Variants in SPECC1 observed in about 807,000 individuals in gnomAD.
SPECC1 encodes the protein sperm antigen with calponin homology and coiled-coil domains 1, also known as cytospin-B.
Under a neutral mutation model 104.1 loss-of-function variants are expected in SPECC1, and 62 were observed. The ratio of observed to expected loss-of-function variants is 0.60; its 90% confidence interval spans 0.49 to 0.74. SPECC1 has a LOEUF of 0.74. Among genes scored for constraint, SPECC1 ranks in the 30% least tolerant of loss-of-function variants. The pLI is 0.00. For synonymous variants in SPECC1, 513 were observed against 501.6 expected (o/e 1.02, Z -0.30); for missense variants, 1,306 against 1,310.5 (o/e 1.00, Z 0.05).
intron 1 of SPECC1, among the ~76,000 whole-genome samples, chr17:20,053,565 G>C (rs2045853025): frequency 6.6e-6 from 1 of 152,120 alleles, no homozygotes; most frequent in Admixed American, 6.5e-5. Context: ...CTTCCTCCTT[G>C]CTCTCTCTCT....
intron 1 of SPECC1, among the ~76,000 whole-genome samples, chr17:20,037,295 T>G (rs999121981): frequency 1.3e-5 from 2 of 151,982 alleles, no homozygotes; most frequent in African/African-American, 2.4e-5. Context: ...CCTTTTTATT[T>G]TCCCCACCAC....
chr17:20,055,885 T>A (rs1281193831), intron 1 of SPECC1, among the ~76,000 whole-genome samples: 2 of 152,220 alleles, frequency 1.3e-5, no homozygotes, highest in African/African-American at 4.8e-5. Context: ...CTCAGCTGTT[T>A]CAGTGCCTCT....
chr17:20,077,868 G>A (rs1251430955), intron 1 of SPECC1, among the ~76,000 whole-genome samples: 1 of 152,078 alleles, frequency 6.6e-6, no homozygotes, highest in Non-Finnish European at 1.5e-5. Flanking sequence ...AGATTGCTCA[G>A]CCTTAACTTC....
In SPECC1 at chr17:20,232,278, G is replaced by T. The variant is rs1193523928; in HGVS notation, c.2224G>T (p.Ala742Ser). The T allele has an allele frequency of 1.2e-6, 2 of 1,614,086 alleles. No individual in the cohort carries two copies. Among genetic ancestry groups the T allele is most frequent in the Admixed American group, 1.7e-5 (1 of 60,018 alleles). The change falls in exon 7 of 15, where the codon GCC (alanine) becomes TCC (serine). Residue 742 changes from alanine to serine, a missense_variant. Ala to Ser is a moderately conservative substitution (Grantham distance 99). Around this residue, in one of 2 missense-constraint regions of SPECC1, gnomAD observed 1,177 missense variants for 1,139.9 expected, o/e 1.03. Transcript: ENST00000395527. ...GGTGGCCAATGACATCAAGTGTGAG[G>T]CCCAGCAGGAGCTGCGCACCGTGAA... ...VVVANDIKCEAQQELRTVKRK... is the reference protein window; with the variant it reads ...VVVANDIKCESQQELRTVKRK...
intron 7 of SPECC1, 52 bp downstream of exon 7, chr17:20,232,457 G>A (rs1355351125): frequency 6.5e-7 from 1 of 1,542,374 alleles, no homozygotes; most frequent in African/African-American, 1.4e-5. Context: ...ACTATGTATG[G>A]GGCTCCCTGG....
intron 9 of SPECC1, among the ~76,000 whole-genome samples, chr17:20,252,304 A>C (rs1479618932): frequency 6.6e-6 from 1 of 152,128 alleles, no homozygotes; most frequent in Non-Finnish European, 1.5e-5. Context: ...CAGGGTGTAC[A>C]TGTACAGATT....
chr17:20,160,528 C>G (rs1374214927), intron 3 of SPECC1, among the ~76,000 whole-genome samples: 1 of 152,154 alleles, frequency 6.6e-6, no homozygotes, highest in Non-Finnish European at 1.5e-5. Context: ...ACATGATGAC[C>G]ATTCTCAACC....
At position 20,232,339 on chromosome 17, in the gene SPECC1, G is replaced by A. The variant is rs771455889; in HGVS notation, c.2285G>A (p.Arg762Gln). The change falls in exon 7 of 15, where the codon CGG becomes CAG. Residue 762 changes from arginine to glutamine, a missense_variant. Arg to Gln is a conservative substitution (Grantham distance 43). Around this residue, in one of 2 missense-constraint regions of SPECC1, gnomAD observed 1,177 missense variants for 1,139.9 expected, o/e 1.03. Coordinates refer to ENST00000395527, the MANE Select transcript of SPECC1 (RefSeq NM_001243439.2). ...KLLEEEEKNARLQKELGDVQG... is the reference protein window; with the variant it reads ...KLLEEEEKNAQLQKELGDVQG... The stretch of plus-strand genomic sequence containing the variant: ...CTGGAGGAGGAGGAGAAGAATGCCC[G>A]GTTGCAGAAGGAGCTGGGGGATGTG... 21 of 1,614,036 alleles carry A rather than the reference G, an allele frequency of 1.3e-5. No individual in the cohort carries two copies. The highest frequency in any genetic ancestry group is 6.7e-5 in the Admixed American group (4 of 60,016).
At chr17:20,068,962 TC>T (rs1423781924) in intron 1 of SPECC1, among the ~76,000 whole-genome samples, 2 of 152,256 alleles carry the variant, frequency 1.3e-5, no homozygotes, top group African/African-American at 4.8e-5. Flanking sequence ...CTTTTCATTT[TC>T]TTTTTTTTAA....
intron 4 of SPECC1, among the ~76,000 whole-genome samples, chr17:20,213,425 G>A (rs1227090693): frequency 1.3e-5 from 2 of 152,106 alleles, no homozygotes; most frequent in South Asian, 2.1e-4. Flanking sequence ...TTAGACTGCT[G>A]CCCAGTTACC....
chr17:20,026,147 T>G (rs952890501), intron 1 of SPECC1, among the ~76,000 whole-genome samples: 16 of 151,500 alleles, frequency 1.1e-4, no homozygotes, highest in Non-Finnish European at 2.2e-4. Context: ...TGCAGATATT[T>G]TATTTCTTCC....
chr17:20,226,589 A>C (rs2038220666), intron 4 of SPECC1, among the ~76,000 whole-genome samples: 1 of 152,206 alleles, frequency 6.6e-6, no homozygotes, highest in Admixed American at 6.5e-5. Flanking sequence ...AAGTAAAAAG[A>C]TTTTGCAAAT....
intron 12 of SPECC1, among the ~76,000 whole-genome samples, chr17:20,266,142 T>G (rs898104998): frequency 6.6e-6 from 1 of 152,248 alleles, no homozygotes; most frequent in Non-Finnish European, 1.5e-5. Flanking sequence ...GGAATACCAT[T>G]GAATCTGTAA....
intron 1 of SPECC1, among the ~76,000 whole-genome samples, chr17:20,044,959 C>G (rs530901378): frequency 6.6e-6 from 1 of 152,300 alleles, no homozygotes; most frequent in South Asian, 2.1e-4. Flanking sequence ...TGAATAAGAA[C>G]TCTTTTATTC....
chr17:20,252,253 T>C (rs1205955156), intron 9 of SPECC1, among the ~76,000 whole-genome samples: 2 of 152,158 alleles, frequency 1.3e-5, no homozygotes, highest in Non-Finnish European at 2.9e-5. Context: ...GGCAGGTCTC[T>C]AGAAAAATTT....
intron 1 of SPECC1, among the ~76,000 whole-genome samples, chr17:20,038,674 A>G (rs1003865758): frequency 6.6e-6 from 1 of 152,204 alleles, no homozygotes; most frequent in African/African-American, 2.4e-5. Flanking sequence ...TGCTGGGATC[A>G]CAGGCGTGAG....
At chr17:20,195,636 C>T (rs2035982250) in intron 3 of SPECC1, among the ~76,000 whole-genome samples, 1 of 151,530 alleles carries the variant, frequency 6.6e-6, no homozygotes, top group Non-Finnish European at 1.5e-5. Context: ...TGGCTCACTG[C>T]AACCTCTGCC....
rs145242637 is a variant in SPECC1, at chr17:20,088,673, T to C, written c.-21-7958T>C. ...TGGAAGTGCAGAGAAGAGTCCTGTT[T>C]GGCTACGCTGCAGGGTAAGGGGTCA... On this transcript the variant is annotated intron_variant, in intron 1 of 14. Transcript: ENST00000395527. Among the ~76,000 whole-genome samples the C allele has an allele frequency of 2.6e-3, 399 of 152,304 alleles. 3 individuals are homozygous for C. Among genetic ancestry groups the C allele is most frequent in the Middle Eastern group, 0.017 (5 of 294 alleles).
At chr17:20,193,372 G>T (rs2035799132) in intron 3 of SPECC1, among the ~76,000 whole-genome samples, 2 of 152,164 alleles carry the variant, frequency 1.3e-5, no homozygotes, top group African/African-American at 4.8e-5. Flanking sequence ...ATTTTACCCA[G>T]CTCCTATTCA....
Sources: gnomAD v4.1 joint callset for allele counts (sites outside exome capture counted in the v4.1 genomes callset) on GRCh38, gnomAD v4.1.1 for gene constraint, gnomAD v4.1.1 regional missense constraint, MANE v1.5 for transcripts, NCBI Gene and HGNC (gene_info 2026-07-23, HGNC 2026-07-21) for gene names.